Variants in OSGEPL1 observed in about 807,000 individuals in gnomAD.
OSGEPL1 encodes tRNA N6-adenosine threonylcarbamoyltransferase, mitochondrial.
OSGEPL1 carries 26 observed loss-of-function variants against 37.2 expected under a neutral mutation model. That is an observed-to-expected ratio of 0.70 (90% CI 0.51 to 0.97). OSGEPL1 has a LOEUF of 0.97. OSGEPL1 is among the 50% of genes least tolerant of loss of function. OSGEPL1 has a pLI of 0.00. For synonymous variants in OSGEPL1, 140 were observed against 159.9 expected (o/e 0.88, Z 0.94); for missense variants, 404 against 487.0 (o/e 0.83, Z 1.60).
At position 189,752,969 on chromosome 2, in the gene OSGEPL1, C is replaced by G. The variant is rs1379468081; in HGVS notation, c.974G>C (p.Gly325Ala). The G allele has an allele frequency of 2.5e-6, 4 of 1,609,366 alleles. No homozygotes were observed. The highest frequency in any genetic ancestry group is 3.4e-6 in the Non-Finnish European group (4 of 1,178,440). ...PQNNAVLVAS[G>A]GVASNFYIRR... ...GATATAGAAGTTACTTGCGACACCA[C>G]CAGATGCAACCTGAAGGAATTGAGA... Residue 325 changes from glycine to alanine, a missense_variant, in exon 6 of 9, where the codon GGT becomes GCT. Coordinates refer to ENST00000264151, the MANE Select transcript of OSGEPL1 (RefSeq NM_022353.3).
chr2:189,754,443 A>T (rs2045759158), intron 3 of OSGEPL1, 98 bp from the exon 4 acceptor site: 2 of 1,126,052 alleles, frequency 1.8e-6, no homozygotes, highest in African/African-American at 1.6e-5. Flanking sequence ...AAAACAAAAA[A>T]CCCCTGAATG....
intron 2 of OSGEPL1, among the ~76,000 whole-genome samples, chr2:189,757,959 A>C (rs1406674437): frequency 6.6e-6 from 1 of 152,196 alleles, no homozygotes; most frequent in Non-Finnish European, 1.5e-5. Context: ...GTCCCTGCCC[A>C]AATCTCATGT....
chr2:189,754,274 A>G lies in OSGEPL1; in HGVS notation c.681T>C (p.His227=), dbSNP rs202123529. Residue 227 remains histidine, a synonymous_variant, in exon 4 of 9, where the codon CAT becomes CAC. Transcript: ENST00000264151. ...GAAATCTATTTCCTTGTTTGGCCAA[A>G]TGTTCTATGGCTTTCCCACCACTCA... ...STMSGGKAIE[H]LAKQGNRFHF... is the part of the protein sequence containing the mutation. 317 of 1,613,828 alleles carry G rather than the reference A, an allele frequency of 2.0e-4. 2 individuals are homozygous for G. In the African/African-American group the frequency reaches 3.3e-3, roughly 17 times the overall value.
chr2:189,749,217 G>T (rs1345930119), intron 8 of OSGEPL1, among the ~76,000 whole-genome samples: 2 of 126,282 alleles, frequency 1.6e-5, no homozygotes, highest in African/African-American at 5.8e-5. Context: ...TTGCACTCCA[G>T]TCTGGACAAC....
In OSGEPL1 at chr2:189,762,728, A is replaced by T; in HGVS notation, c.-64T>A. The T allele has an allele frequency of 1.0e-6, 1 of 985,394 alleles. No homozygotes were observed. Among genetic ancestry groups the T allele is most frequent in the African/African-American group, 1.7e-5 (1 of 57,324 alleles). 61.0% of individuals were successfully genotyped at this position (985,394 alleles called of 1,614,324 possible). The stretch of plus-strand genomic sequence containing the variant: ...TAGCTAGCACTTGTCTCCTTTCCCT[A>T]CTAAAGACTGTCGACTGCCCTTATC... On this transcript the variant is annotated 5_prime_UTR_variant, in exon 1 of 9. Transcript: ENST00000264151.
Position 189,746,859 on chromosome 2 carries a change from A to C in OSGEPL1, c.*338T>G. ...ACAAAGGCCTGCACTTAAACCTTAAAATTTATTGACTGACATGAGTGGTAT... is the reference window on the plus strand; with the variant it reads ...ACAAAGGCCTGCACTTAAACCTTAACATTTATTGACTGACATGAGTGGTAT... On this transcript the variant is annotated 3_prime_UTR_variant, in exon 9 of 9. Transcript: ENST00000264151. 2.8e-6 allele frequency: 1 copy of C among 354,306 alleles called. No individual in the cohort carries two copies. 21.9% of individuals were successfully genotyped at this position (354,306 alleles called of 1,614,324 possible). A position where few individuals can be genotyped will look rare whatever the true frequency, so the allele number is the denominator to read the frequency against.
Position 189,761,611 on chromosome 2 carries a change from A to T in OSGEPL1, c.30T>A (p.Val10=), listed in dbSNP as rs772339053. Reference sequence around the variant, plus strand: ...CTTTCCTTTTTGATGGTTTAAAAAAAACTCCTGCAGTCTTAGTCAAGATTA... The same window carrying T: ...CTTTCCTTTTTGATGGTTTAAAAAATACTCCTGCAGTCTTAGTCAAGATTA... MLILTKTAG[V]FFKPSKRKVY... Residue 10 remains valine, a synonymous_variant, in exon 2 of 9, where the codon GTT becomes GTA. Coordinates refer to ENST00000264151, the MANE Select transcript of OSGEPL1 (RefSeq NM_022353.3). The T allele has an allele frequency of 5.6e-6, 9 of 1,607,006 alleles. No homozygotes were observed. In the East Asian group the frequency reaches 1.8e-4, roughly 32 times the overall value.
intron 2 of OSGEPL1, among the ~76,000 whole-genome samples, chr2:189,757,811 G>A (rs769565923): frequency 2.6e-5 from 4 of 152,236 alleles, no homozygotes; most frequent in Non-Finnish European, 5.9e-5. Flanking sequence ...GATGAGCCAG[G>A]TGGATGGTAT....
chr2:189,748,905 C>G (rs2044607658), intron 8 of OSGEPL1, among the ~76,000 whole-genome samples: 1 of 152,142 alleles, frequency 6.6e-6, no homozygotes, highest in Non-Finnish European at 1.5e-5. Flanking sequence ...GACCATCCTA[C>G]CACTCCTAAA....
intron 7 of OSGEPL1, among the ~76,000 whole-genome samples, chr2:189,750,955 C>G (rs768650989): frequency 3.3e-5 from 5 of 152,092 alleles, no homozygotes; most frequent in Non-Finnish European, 7.4e-5. Flanking sequence ...TGAAAAATAT[C>G]TTATAATTCT....
intron 2 of OSGEPL1, among the ~76,000 whole-genome samples, chr2:189,759,542 G>A (rs532961106): frequency 1.8e-4 from 28 of 152,244 alleles, no homozygotes; most frequent in African/African-American, 3.9e-4. Context: ...GAGCCACAGC[G>A]CCCAGCCAAT....
At chr2:189,749,291 T>G (rs2044716957) in intron 8 of OSGEPL1, among the ~76,000 whole-genome samples, 1 of 302 alleles carries the variant, frequency 3.3e-3, no homozygotes, top group African/African-American at 4.8e-3. Context: ...ACTCCACGGT[T>G]TTTTTTTTTT....
rs779150537 is a variant in OSGEPL1, at chr2:189,754,226, C to A, written c.729G>T (p.Leu243Phe). The A allele has an allele frequency of 6.2e-7, 1 of 1,613,834 alleles. No homozygotes were observed. The highest frequency in any genetic ancestry group is 1.1e-5 in the South Asian group (1 of 91,072). Residue 243 changes from leucine (L) to phenylalanine (F), a missense_variant, in exon 4 of 9, where the codon TTG becomes TTT. Leu to Phe is a conservative substitution (Grantham distance 22, BLOSUM62 0). Coordinates refer to ENST00000264151, the MANE Select transcript of OSGEPL1 (RefSeq NM_022353.3). The stretch of plus-strand genomic sequence containing the variant: ...AAAAATCACAATTTTTAGCATGATG[C>A]AAGGGAGGTTTGATGTCAAAATGAA... Reference protein sequence around the residue: ...NRFHFDIKPPLHHAKNCDFSF... With the variant: ...NRFHFDIKPPFHHAKNCDFSF...
intron 8 of OSGEPL1, chr2:189,747,456 A>C (rs1411503784): frequency 6.6e-6 from 1 of 152,232 alleles, no homozygotes; most frequent in Non-Finnish European, 1.5e-5. Flanking sequence ...TTAAAAATAA[A>C]ATCTGAAATC....
At position 189,753,972 on chromosome 2, in the gene OSGEPL1, G is replaced by T; in HGVS notation, c.907C>A (p.Arg303=). The change falls in exon 5 of 9, where the codon CGG becomes AGG. Residue 303 remains arginine (R), a synonymous_variant. Coordinates refer to ENST00000264151, the MANE Select transcript of OSGEPL1 (RefSeq NM_022353.3). ...CTCTGCTTACAAAACAGAATAGCCC[G>T]ATGTGTTCTTTTCACAAGATGACAT... ...MACHLVKRTH[R]AILFCKQRDL... is the part of the protein sequence containing the mutation. 5.6e-6 allele frequency: 9 copies of T among 1,613,734 alleles called. No individual in the cohort carries two copies. The highest frequency in any genetic ancestry group is 7.6e-6 in the Non-Finnish European group (9 of 1,179,800).
At chr2:189,760,431 C>G (rs1277836329) in intron 2 of OSGEPL1, among the ~76,000 whole-genome samples, 1 of 152,192 alleles carries the variant, frequency 6.6e-6, no homozygotes, top group East Asian at 1.9e-4. Context: ...GCGCCCCCCA[C>G]CTCCCAAGAG....
At chr2:189,760,340 G>A (rs941359802) in intron 2 of OSGEPL1, among the ~76,000 whole-genome samples, 4 of 151,938 alleles carry the variant, frequency 2.6e-5, no homozygotes, top group African/African-American at 9.7e-5. Flanking sequence ...CGGCCAGGCG[G>A]AGGGGCCCCC....
intron 2 of OSGEPL1, among the ~76,000 whole-genome samples, chr2:189,758,988 A>C (rs2106061819): frequency 6.6e-6 from 1 of 152,296 alleles, no homozygotes; most frequent in South Asian, 2.1e-4. Context: ...GAGGCACGGT[A>C]ATAATAGTTA....
intron 8 of OSGEPL1, among the ~76,000 whole-genome samples, chr2:189,748,969 G>T (rs1282753856): frequency 6.6e-6 from 1 of 152,012 alleles, no homozygotes; most frequent in African/African-American, 2.4e-5. Context: ...TTTATTGGCT[G>T]GGCATGATGG....
Sources: gnomAD v4.1 joint callset for allele counts (sites outside exome capture counted in the v4.1 genomes callset) on GRCh38, gnomAD v4.1.1 for gene constraint, MANE v1.5 for transcripts, NCBI Gene and HGNC (gene_info 2026-07-23, HGNC 2026-07-21) for gene names.